The following PCNX2 variants were observed in gnomAD, a reference collection of about 807,000 sequenced individuals.
PCNX2 encodes the protein pecanex-like protein 2.
In PCNX2, 168 loss-of-function variants were observed where a neutral mutation model predicts 223.8. That is an observed-to-expected ratio of 0.75 (90% CI 0.66 to 0.85). The LOEUF (loss-of-function observed/expected upper bound fraction) is 0.85, where lower values mean the gene tolerates loss of function less well. PCNX2 is among the 40% of genes least tolerant of loss of function. PCNX2 has a pLI of 0.00. For synonymous variants in PCNX2, 1,006 were observed against 1,052.6 expected, an observed-to-expected ratio of 0.96 and a Z score of 0.86; for missense variants, 2,507 against 2,675.5, an observed-to-expected ratio of 0.94 and a Z score of 1.39.
chr1:233,251,847 A>C (rs1209640536), intron 7 of PCNX2, among the ~76,000 whole-genome samples: 1 of 152,222 alleles, frequency 6.6e-6, no homozygotes, highest in African/African-American at 2.4e-5. Flanking sequence ...CCACTTTATA[A>C]TTCTCTATGT....
intron 21 of PCNX2, among the ~76,000 whole-genome samples, chr1:233,130,037 C>T (rs1181554523): frequency 6.6e-6 from 1 of 152,172 alleles, no homozygotes; most frequent in Non-Finnish European, 1.5e-5. Context: ...GCCAGCCAGA[C>T]CACGAACCCA....
intron 32 of PCNX2, among the ~76,000 whole-genome samples, chr1:232,993,112 T>C (rs1208498167): frequency 3.3e-5 from 5 of 152,114 alleles, no homozygotes; most frequent in Non-Finnish European, 5.9e-5. Context: ...AACTGGGTAA[T>C]AGGCAGAGAT....
At chr1:233,104,173 A>G (rs1193806743) in intron 21 of PCNX2, among the ~76,000 whole-genome samples, 2 of 152,156 alleles carry the variant, frequency 1.3e-5, no homozygotes, top group African/African-American at 4.8e-5. Flanking sequence ...AAAAAATACC[A>G]TGGTAGAAAA....
intron 1 of PCNX2, among the ~76,000 whole-genome samples, chr1:233,275,625 A>C (rs1370219256): frequency 6.6e-6 from 1 of 152,240 alleles, no homozygotes; most frequent in Non-Finnish European, 1.5e-5. Context: ...AAATTAATAG[A>C]ATTAACATAG....
chr1:232,999,779 T>G (rs182200488), intron 30 of PCNX2, among the ~76,000 whole-genome samples: 267 of 152,316 alleles, frequency 1.8e-3, no homozygotes, highest in African/African-American at 6.3e-3. Context: ...TACAAAACTT[T>G]GGTGTAAAGC....
chr1:233,019,204 AGGTTCCTCTGT>A (rs2102823799), intron 26 of PCNX2: 1 of 985,380 alleles, frequency 1.0e-6, no homozygotes, highest in Non-Finnish European at 1.2e-6. Flanking sequence ...GACTTTGGGG[AGGTTCCTCTGT>A]GGTTCATGGC....
chr1:233,005,724 C>T (rs1007568078), intron 28 of PCNX2, among the ~76,000 whole-genome samples: 3 of 152,104 alleles, frequency 2.0e-5, no homozygotes, highest in Admixed American at 6.5e-5. Flanking sequence ...GCGGGGGTGG[C>T]GGGCAGCAGA....
chr1:233,102,829 G>C (rs904258644), intron 21 of PCNX2, among the ~76,000 whole-genome samples: 112 of 152,036 alleles, frequency 7.4e-4, no homozygotes, highest in African/African-American at 2.6e-3. Context: ...TCTTCACTTT[G>C]TTTATTCTTT....
chr1:233,217,608 C>T (rs1477048314), intron 12 of PCNX2, among the ~76,000 whole-genome samples: 2 of 152,084 alleles, frequency 1.3e-5, no homozygotes, highest in African/African-American at 2.4e-5. Flanking sequence ...TGCGGTCTTC[C>T]CCCAAGACTG....
At chr1:233,300,045 G>A (rs140645071), upstream of PCNX2, among the ~76,000 whole-genome samples, 15 of 152,294 alleles carry the variant, frequency 9.8e-5, no homozygotes, top group African/African-American at 3.4e-4. Context: ...CATACTGCAT[G>A]TTTCTTCATG....
chr1:233,186,303 T>G (rs1680092813), intron 15 of PCNX2, among the ~76,000 whole-genome samples: 1 of 152,220 alleles, frequency 6.6e-6, no homozygotes, highest in Non-Finnish European at 1.5e-5. Context: ...TGACTCTGTA[T>G]AAGTCCTATT....
At chr1:233,091,030 A>C (rs932829678) in intron 22 of PCNX2, among the ~76,000 whole-genome samples, 14 of 152,180 alleles carry the variant, frequency 9.2e-5, no homozygotes, top group African/African-American at 3.1e-4. Flanking sequence ...CTAGCTGCCA[A>C]TCACTCACCA....
At position 233,057,278 on chromosome 1, in the gene PCNX2, C is replaced by T. The variant is rs758367486; in HGVS notation, c.4089G>A (p.Val1363=). Residue 1363 remains valine (V), a synonymous_variant, in exon 24 of 34, where the codon GTG becomes GTA. Coordinates refer to ENST00000258229, the MANE Select transcript of PCNX2 (RefSeq NM_014801.4). ...CTGCCAGTCTTGTGTTGGAATTATC[C>T]ACTCGCCTTGTACTAGAAGAGGCCA... is the stretch of plus-strand genomic sequence containing the variant. The part of the protein sequence containing the change: ...FWEKNYNTRR[V]DNSNTRLAVQ... 14 of 1,609,514 alleles carry T rather than the reference C, an allele frequency of 8.7e-6. No individual in the cohort carries two copies. In the African/African-American group the frequency reaches 1.5e-4, roughly 17 times the overall value.
intron 24 of PCNX2, among the ~76,000 whole-genome samples, chr1:233,055,174 G>A (rs1558191224): frequency 1.3e-5 from 2 of 152,274 alleles, no homozygotes; most frequent in South Asian, 4.1e-4. Flanking sequence ...CATTTCTCTT[G>A]AGTAAATGCT....
Position 233,179,241 on chromosome 1 carries a change from A to C in PCNX2, c.3067-66T>G, listed in dbSNP as rs946846567. On this transcript the variant is annotated intron_variant, in intron 15 of 33. Transcript: ENST00000258229. ...GTGTGAATAGCAGGATCTCTATCAG[A>C]CATTTAGAAATATCCCCAAGGTCCA... 2.6e-5 allele frequency: 39 copies of C among 1,504,634 alleles called. No individual in the cohort carries two copies. In the Admixed American group the frequency reaches 6.5e-4, roughly 25 times the overall value. 93.2% of individuals were successfully genotyped at this position (1,504,634 alleles called of 1,614,324 possible). A position where few individuals can be genotyped will look rare whatever the true frequency, so the allele number is the denominator to read the frequency against.
At chr1:233,288,804 C>CTTTTTTTT in intron 1 of PCNX2, 1 of 432,760 alleles carries the variant, frequency 2.3e-6, no homozygotes, top group Non-Finnish European at 3.9e-6. Context: ...GAAAGATGCC[C>CTTTTTTTT]TTTTTTTTTT....
chr1:233,090,271 T>C (rs1673805378), intron 22 of PCNX2, 81 bp from the exon 23 acceptor site: 1 of 1,466,638 alleles, frequency 6.8e-7, no homozygotes, highest in South Asian at 1.3e-5. Flanking sequence ...TGATGAGTTT[T>C]CACTAAAGTC....
At chr1:233,249,351 A>G (rs1303862555) in intron 8 of PCNX2, among the ~76,000 whole-genome samples, 1 of 152,252 alleles carries the variant, frequency 6.6e-6, no homozygotes, top group African/African-American at 2.4e-5. Context: ...TTTAGCTGGG[A>G]ATTGCAGAAT....
intron 28 of PCNX2, among the ~76,000 whole-genome samples, chr1:233,007,076 G>A (rs1670311141): frequency 6.6e-6 from 1 of 151,804 alleles, no homozygotes; most frequent in African/African-American, 2.4e-5. Context: ...CAAAAACAAT[G>A]ATCCAAAGGC....
Sources: allele counts gnomAD v4.1 joint callset (sites outside exome capture counted in the v4.1 genomes callset), GRCh38; gene constraint gnomAD v4.1.1; transcripts MANE v1.5; gene names NCBI Gene and HGNC (gene_info 2026-07-23, HGNC 2026-07-21).